TAFA1: variants seen among roughly 807,000 people sequenced by gnomAD.
The protein encoded by TAFA1 is TAFA chemokine like family member 1.
TAFA1 carries 4 observed loss-of-function variants against 18.5 expected under a neutral mutation model. That is an observed-to-expected ratio of 0.22 (90% CI 0.11 to 0.49). The LOEUF is 0.49. TAFA1 is among the 20% of genes least tolerant of loss of function. The probability of loss-of-function intolerance (pLI) is 0.98; values close to 1 mark genes in which losing one functional copy is unlikely to be tolerated. For missense variants in TAFA1, 147 were observed against 169.0 expected (o/e 0.87, Z 0.72); for synonymous variants, 56 against 55.2 (o/e 1.01, Z -0.06).
intron 2 of TAFA1, among the ~76,000 whole-genome samples, chr3:68,306,913 T>G (rs539105953): frequency 6.6e-6 from 1 of 152,202 alleles, no homozygotes; most frequent in Non-Finnish European, 1.5e-5. Context: ...CCTACATTTC[T>G]TTTCTATAAA....
chr3:68,015,231 A>C (rs1448036309), intron 2 of TAFA1, among the ~76,000 whole-genome samples: 1 of 152,112 alleles, frequency 6.6e-6, no homozygotes, highest in African/African-American at 2.4e-5. Flanking sequence ...TAGTTGATTC[A>C]ATAGCCTCAT....
At chr3:68,464,827 A>G (rs2071855240) in intron 3 of TAFA1, among the ~76,000 whole-genome samples, 1 of 152,178 alleles carries the variant, frequency 6.6e-6, no homozygotes, top group Non-Finnish European at 1.5e-5. Context: ...CTGTAGTTCC[A>G]TATGTTTAGA....
intron 2 of TAFA1, among the ~76,000 whole-genome samples, chr3:68,172,911 T>C (rs2066074812): frequency 6.6e-6 from 1 of 152,172 alleles, no homozygotes; most frequent in South Asian, 2.1e-4. Flanking sequence ...CAGGGGTTTC[T>C]CTTTAGGGTG....
chr3:68,372,670 C>T (rs1011394836), intron 2 of TAFA1, among the ~76,000 whole-genome samples: 1 of 152,056 alleles, frequency 6.6e-6, no homozygotes, highest in Non-Finnish European at 1.5e-5. Context: ...GAAGCCAAAA[C>T]TGAGCTGGAA....
Position 68,384,084 on chromosome 3 carries a change from G to C in TAFA1, c.119-33196G>C, listed in dbSNP as rs190261101. Among the ~76,000 whole-genome samples the C allele has an allele frequency of 4.6e-5, 7 of 151,640 alleles. No individual in the cohort carries two copies. In the Admixed American group the frequency reaches 4.6e-4, roughly 10 times the overall value. Reference sequence around the variant, plus strand: ...ATCCTCTCTCTTTTCTTCTTTATTAGTCTAGCTAGTGGTAGAGGTATTTTA... The same window carrying C: ...ATCCTCTCTCTTTTCTTCTTTATTACTCTAGCTAGTGGTAGAGGTATTTTA... On this transcript the variant is annotated intron_variant, in intron 2 of 4. Coordinates refer to ENST00000478136, the MANE Select transcript of TAFA1 (RefSeq NM_213609.4).
At chr3:68,395,241 G>A (rs770095005) in intron 2 of TAFA1, among the ~76,000 whole-genome samples, 10 of 152,100 alleles carry the variant, frequency 6.6e-5, no homozygotes, top group Non-Finnish European at 1.5e-4. Flanking sequence ...AGCACAATGA[G>A]ATACCATCTC....
chr3:68,081,005 C>T (rs1431154971), intron 2 of TAFA1, among the ~76,000 whole-genome samples: 7 of 151,954 alleles, frequency 4.6e-5, no homozygotes, highest in Non-Finnish European at 7.4e-5. Flanking sequence ...GGAGGCTTTG[C>T]TCATTTCTTT....
intron 2 of TAFA1, among the ~76,000 whole-genome samples, chr3:68,382,634 G>A (rs750041919): frequency 6.6e-6 from 1 of 152,100 alleles, no homozygotes; most frequent in Non-Finnish European, 1.5e-5. Flanking sequence ...ATAGTTTGAA[G>A]TCAGGTAGCG....
chr3:68,407,638 T>A (rs1007401059), intron 2 of TAFA1, among the ~76,000 whole-genome samples: 1 of 152,108 alleles, frequency 6.6e-6, no homozygotes, highest in Non-Finnish European at 1.5e-5. Flanking sequence ...GTTGATGCTG[T>A]CATCCACATT....
At chr3:68,170,579 G>A (rs2066040106) in intron 2 of TAFA1, among the ~76,000 whole-genome samples, 1 of 152,266 alleles carries the variant, frequency 6.6e-6, no homozygotes, top group Admixed American at 6.5e-5. Flanking sequence ...CAACATGCAT[G>A]TTCAGAGCTG....
At chr3:68,152,823 T>C (rs1575647995) in intron 2 of TAFA1, among the ~76,000 whole-genome samples, 2 of 152,220 alleles carry the variant, frequency 1.3e-5, no homozygotes, top group South Asian at 4.1e-4. Context: ...TGTAATTCCT[T>C]GAGAAGTCCT....
chr3:68,468,386 A>T (rs2071929449), intron 3 of TAFA1, among the ~76,000 whole-genome samples: 1 of 152,178 alleles, frequency 6.6e-6, no homozygotes, highest in African/African-American at 2.4e-5. Context: ...TGCCTCTGAG[A>T]GTATACAAAA....
intron 2 of TAFA1, among the ~76,000 whole-genome samples, chr3:68,343,990 T>A (rs1226312476): frequency 1.3e-5 from 2 of 152,084 alleles, no homozygotes; most frequent in African/African-American, 4.8e-5. Context: ...ATTACAGGCA[T>A]GCGCCACCAC....
chr3:68,083,408 A>G lies in TAFA1; in HGVS notation c.118+76664A>G, dbSNP rs2064929375. 2.6e-5 allele frequency among the ~76,000 whole-genome samples: 4 copies of G among 152,268 alleles called. No individual in the cohort carries two copies. In the South Asian group the frequency reaches 8.3e-4, roughly 32 times the overall value. ...ATTTCAAGTAAAATAATACATTAAA[A>G]GGACGAGGGAAGAACTCCACAAAGT... On this transcript the variant is annotated intron_variant, in intron 2 of 4. Transcript: ENST00000478136.
intron 2 of TAFA1, among the ~76,000 whole-genome samples, chr3:68,030,924 A>G (rs1559709676): frequency 6.6e-6 from 1 of 152,184 alleles, no homozygotes; most frequent in African/African-American, 2.4e-5. Context: ...GTGGTTTTAG[A>G]GAGACCACAA....
intron 2 of TAFA1, among the ~76,000 whole-genome samples, chr3:68,336,122 A>G (rs1362108930): frequency 6.6e-6 from 1 of 152,188 alleles, no homozygotes; most frequent in Non-Finnish European, 1.5e-5. Flanking sequence ...TTGGCTTTCT[A>G]ATTTGACAAT....
chr3:68,441,937 G>C (rs2071390316), intron 3 of TAFA1, among the ~76,000 whole-genome samples: 1 of 152,180 alleles, frequency 6.6e-6, no homozygotes, highest in African/African-American at 2.4e-5. Flanking sequence ...GTACCTGGCT[G>C]TGCACTTTAC....
chr3:68,026,392 A>G (rs987541126), intron 2 of TAFA1, among the ~76,000 whole-genome samples: 2 of 151,870 alleles, frequency 1.3e-5, no homozygotes, highest in Non-Finnish European at 2.9e-5. Context: ...CAGAAATCCA[A>G]ATGGCAAGTT....
chr3:68,267,844 G>C (rs757063459), intron 2 of TAFA1, among the ~76,000 whole-genome samples: 68 of 151,560 alleles, frequency 4.5e-4, no homozygotes, highest in Non-Finnish European at 5.2e-4. Flanking sequence ...TCTTCAAATA[G>C]GTAGTCCACA....
Sources: gnomAD v4.1 joint callset for allele counts (sites outside exome capture counted in the v4.1 genomes callset) on GRCh38, gnomAD v4.1.1 for gene constraint, MANE v1.5 for transcripts, NCBI Gene and HGNC (gene_info 2026-07-23, HGNC 2026-07-21) for gene names.